The following SCHIP1 variants were observed in gnomAD, a reference collection of about 807,000 sequenced individuals.
SCHIP1 encodes schwannomin-interacting protein 1.
SCHIP1 carries 8 observed loss-of-function variants against 29.7 expected under a neutral mutation model. The ratio of observed to expected loss-of-function variants is 0.27; its 90% CI spans 0.16 to 0.49. The LOEUF is 0.49. Ranked by LOEUF, SCHIP1 falls within the 20% of genes least tolerant of loss-of-function variation. The pLI, the probability that SCHIP1 is intolerant of heterozygous loss-of-function variation, is 0.99. For synonymous variants in SCHIP1, 76 were observed against 94.9 expected (o/e 0.80, Z 1.16); for missense variants, 193 against 294.6 (o/e 0.66, Z 2.52).
At chr3:159,431,124 G>A in the SCHIP1 span, among the ~76,000 whole-genome samples, 1 of 150,806 alleles carries the variant, frequency 6.6e-6, no homozygotes, top group Non-Finnish European at 1.5e-5. Flanking sequence ...ATTCAGCGAG[G>A]AAAAAAACAA....
At chr3:159,389,720 G>C in the SCHIP1 span, among the ~76,000 whole-genome samples, 2 of 152,020 alleles carry the variant, frequency 1.3e-5, no homozygotes, top group African/African-American at 4.8e-5. Flanking sequence ...ATTTGCCCAA[G>C]AGTTGGAAAC....
At chr3:159,680,805 G>A in the SCHIP1 span, among the ~76,000 whole-genome samples, 1 of 119,384 alleles carries the variant, frequency 8.4e-6, no homozygotes, top group South Asian at 2.7e-4. Flanking sequence ...AATATTCTTT[G>A]GGGTTTTACC....
chr3:159,621,868 G>T, the SCHIP1 span, among the ~76,000 whole-genome samples: 1 of 152,218 alleles, frequency 6.6e-6, no homozygotes, highest in African/African-American at 2.4e-5. Flanking sequence ...GTTTCACCAG[G>T]TTGGCCAGGC....
the SCHIP1 span, among the ~76,000 whole-genome samples, chr3:159,342,435 G>A: frequency 6.6e-6 from 1 of 152,184 alleles, no homozygotes; most frequent in Non-Finnish European, 1.5e-5. Flanking sequence ...TAAGTCAGCA[G>A]TGTGAAATAT....
the SCHIP1 span, among the ~76,000 whole-genome samples, chr3:159,536,636 G>A: frequency 6.6e-6 from 1 of 152,170 alleles, no homozygotes; most frequent in Admixed American, 6.5e-5. Flanking sequence ...AGAAGGGAAA[G>A]CAGAATGTTA....
chr3:159,299,244 C>G, the SCHIP1 span, among the ~76,000 whole-genome samples: 1,146 of 152,254 alleles, frequency 7.5e-3, 12 homozygotes, highest in African/African-American at 0.027. Context: ...TCAAATTAGT[C>G]TGCACAGGAA....
the SCHIP1 span, among the ~76,000 whole-genome samples, chr3:159,519,436 T>G: frequency 6.6e-6 from 1 of 152,126 alleles, no homozygotes; most frequent in Non-Finnish European, 1.5e-5. Flanking sequence ...ATACTAGTAC[T>G]TGATTTTTTA....
chr3:159,370,730 G>A, the SCHIP1 span, among the ~76,000 whole-genome samples: 2 of 152,154 alleles, frequency 1.3e-5, no homozygotes, highest in South Asian at 2.1e-4. Context: ...TGAGACATTT[G>A]TCTTCTCCTG....
chr3:159,384,224 A>C, the SCHIP1 span, among the ~76,000 whole-genome samples: 3 of 150,862 alleles, frequency 2.0e-5, no homozygotes, highest in Non-Finnish European at 3.0e-5. Context: ...TTGCCCATTC[A>C]GTATGATATT....
chr3:159,449,444 C>A, the SCHIP1 span, among the ~76,000 whole-genome samples: 1 of 152,106 alleles, frequency 6.6e-6, no homozygotes. Context: ...TGCCTTGTTG[C>A]AAGTGAGGCT....
the SCHIP1 span, among the ~76,000 whole-genome samples, chr3:159,451,698 A>G: frequency 6.6e-6 from 1 of 152,230 alleles, no homozygotes; most frequent in Non-Finnish European, 1.5e-5. Context: ...GGGAGATGCT[A>G]AGATAAATAT....
intron 1 of SCHIP1, among the ~76,000 whole-genome samples, chr3:159,850,542 CAAAAAAAAAAAAA>C (rs61224003): frequency 1.9e-5 from 2 of 104,938 alleles, no homozygotes; most frequent in African/African-American, 3.4e-5. Context: ...GATTCCATCT[CAAAAAAAAAAAAA>C]AAAAAAAAAA....
the SCHIP1 span, among the ~76,000 whole-genome samples, chr3:159,563,080 G>C: frequency 6.6e-6 from 1 of 152,168 alleles, no homozygotes. Context: ...TTACAACTCA[G>C]TCAGGAGAGA....
At chr3:159,460,596 G>A in the SCHIP1 span, among the ~76,000 whole-genome samples, 1 of 152,156 alleles carries the variant, frequency 6.6e-6, no homozygotes, top group Non-Finnish European at 1.5e-5. Flanking sequence ...ACATGTCCCT[G>A]TCTACCTGGA....
At chr3:159,877,984 T>C (rs1716014668) in intron 2 of SCHIP1, among the ~76,000 whole-genome samples, 1 of 152,220 alleles carries the variant, frequency 6.6e-6, no homozygotes, top group Non-Finnish European at 1.5e-5. Context: ...TGTTCTCTTA[T>C]AAGAAAATAT....
At chr3:159,302,723 C>T in the SCHIP1 span, among the ~76,000 whole-genome samples, 3 of 152,170 alleles carry the variant, frequency 2.0e-5, no homozygotes, top group African/African-American at 7.2e-5. Context: ...CCTTAAGCAC[C>T]TGCTACAAGT....
chr3:159,833,062 C>T, the SCHIP1 span, among the ~76,000 whole-genome samples: 1 of 152,176 alleles, frequency 6.6e-6, no homozygotes, highest in Non-Finnish European at 1.5e-5. Flanking sequence ...TTTCAGGCAT[C>T]CGCTAGGGGT....
the SCHIP1 span, among the ~76,000 whole-genome samples, chr3:159,590,359 T>C: frequency 6.6e-6 from 1 of 152,084 alleles, no homozygotes; most frequent in Non-Finnish European, 1.5e-5. Flanking sequence ...GAGGAACACT[T>C]GAGGTCAGGA....
chr3:159,644,981 TCTAA>T, the SCHIP1 span, among the ~76,000 whole-genome samples: 1 of 152,170 alleles, frequency 6.6e-6, no homozygotes. Flanking sequence ...TTGATACCCC[TCTAA>T]CTGATCCCTG....
Sources: allele counts gnomAD v4.1 joint callset (sites outside exome capture counted in the v4.1 genomes callset), GRCh38; gene constraint gnomAD v4.1.1; transcripts MANE v1.5; gene names NCBI Gene and HGNC (gene_info 2026-07-23, HGNC 2026-07-21).